The following BCL11A variants were observed in gnomAD, a reference collection of about 807,000 sequenced individuals.
BCL11A encodes the protein B cell CLL/lymphoma 11A.
A neutral mutation model predicts 55.9 loss-of-function variants in BCL11A; 2 were observed. The ratio of observed to expected loss-of-function variants is 0.04; its 90% CI spans 0.01 to 0.11. The LOEUF (loss-of-function observed/expected upper bound fraction) is 0.11, where lower values mean the gene tolerates loss of function less well. BCL11A is among the 10% of genes least tolerant of loss of function. The pLI, the probability that BCL11A is intolerant of heterozygous loss-of-function variation, is 1.00. For missense variants in BCL11A, 817 were observed against 1,137.1 expected (o/e 0.72, Z 4.05); for synonymous variants, 465 against 473.4 (o/e 0.98, Z 0.23).
chr2:60,540,017 T>C (rs1041262125), intron 2 of BCL11A, among the ~76,000 whole-genome samples: 1 of 152,186 alleles, frequency 6.6e-6, no homozygotes, highest in Non-Finnish European at 1.5e-5. Flanking sequence ...TCATTATCCA[T>C]TAAATTATAT....
chr2:60,540,060 T>C (rs1409970402), intron 2 of BCL11A, among the ~76,000 whole-genome samples: 1 of 152,218 alleles, frequency 6.6e-6, no homozygotes, highest in East Asian at 1.9e-4. Context: ...TTCATTAATG[T>C]CATCCAAATT....
intron 1 of BCL11A, among the ~76,000 whole-genome samples, chr2:60,551,239 C>A (rs1670401585): frequency 6.6e-6 from 1 of 152,264 alleles, no homozygotes; most frequent in South Asian, 2.1e-4. Flanking sequence ...GCCCACCGCC[C>A]GCCTTTCCAG....
At chr2:60,466,568 A>G (rs994018774) in intron 3 of BCL11A, among the ~76,000 whole-genome samples, 1 of 152,136 alleles carries the variant, frequency 6.6e-6, no homozygotes, top group Admixed American at 6.5e-5. Context: ...AATTCACACA[A>G]TAACTCTTTG....
chr2:60,534,506 T>C (rs1463494421), intron 2 of BCL11A: 2 of 152,216 alleles, frequency 1.3e-5, no homozygotes, highest in African/African-American at 4.8e-5. Context: ...CCTGCAATGT[T>C]CGTGGGGAAC....
intron 2 of BCL11A, among the ~76,000 whole-genome samples, chr2:60,529,782 T>C: frequency 6.6e-6 from 1 of 152,232 alleles, no homozygotes; most frequent in Non-Finnish European, 1.5e-5. Flanking sequence ...CAATGGTGCC[T>C]TTTCAAGTCT....
At position 60,553,511 on chromosome 2, in the gene BCL11A, A is replaced by AAAAAAGG. The variant is rs1265148111; in HGVS notation, c.-242_-241insCCTTTTT. ...AAAAAAAAAAAAAAAAAAAAAAAAA[A>AAAAAAGG]GAGGGAGAGAGAGAGAAGAGAGATA... is the stretch of plus-strand genomic sequence containing the variant. On this transcript the variant is annotated 5_prime_UTR_variant, in exon 1 of 4. Transcript: ENST00000642384. 3 of 220,812 alleles carry AAAAAAGG rather than the reference A, an allele frequency of 1.4e-5. No individual in the cohort carries two copies. In the African/African-American group the frequency reaches 5.2e-4, roughly 38 times the overall value. 13.7% of individuals were successfully genotyped at this position (220,812 alleles called of 1,614,324 possible). A position where few individuals can be genotyped will look rare whatever the true frequency, so the allele number is the denominator to read the frequency against.
chr2:60,546,087 A>G lies in BCL11A; in HGVS notation c.269T>C (p.Ile90Thr). The change falls in exon 2 of 4, where the codon ATC (isoleucine) becomes ACC (threonine). Residue 90 changes from isoleucine (I) to threonine (T), a missense_variant. Ile to Thr is a moderately conservative substitution (Grantham distance 89, BLOSUM62 -1). This residue lies in a region of BCL11A where 363 missense variants were observed against 486.6 expected (regional missense o/e 0.75). Transcript: ENST00000642384. The surrounding 1 kb of genome is among the most constrained non-coding windows in gnomAD (Gnocchi z 4.1). Reference protein sequence around the residue: ...AVDKPPSPSPIEMKKASNPVE... With the variant: ...AVDKPPSPSPTEMKKASNPVE... Reference sequence around the variant, plus strand: ...GGGATTGGATGCTTTTTTCATCTCGATTGGTGAAGGGGAAGGTGGCTTATC... The same window carrying G: ...GGGATTGGATGCTTTTTTCATCTCGGTTGGTGAAGGGGAAGGTGGCTTATC... The G allele has an allele frequency of 6.2e-7, 1 of 1,614,102 alleles. No individual in the cohort carries two copies. Among genetic ancestry groups the G allele is most frequent in the Non-Finnish European group, 8.5e-7 (1 of 1,180,034 alleles).
At position 60,473,297 on chromosome 2, in the gene BCL11A, A is replaced by C. The variant is rs376680361; in HGVS notation, c.386-4464T>G. On this transcript the variant is annotated intron_variant, in intron 2 of 3. Coordinates refer to ENST00000642384, the MANE Select transcript of BCL11A (RefSeq NM_022893.4). The stretch of plus-strand genomic sequence containing the variant: ...AAAGCAGTAGAGCTGTCCCACGTGG[A>C]ATGGGCTATCTCGTGACACTGTGAC... Among the ~76,000 whole-genome samples, 17 of 150,308 alleles carry C rather than the reference A, an allele frequency of 1.1e-4. No individual in the cohort carries two copies. The East Asian group carries it at 2.7e-3, about 24-fold the overall frequency.
chr2:60,549,744 A>T (rs991244983), intron 1 of BCL11A: 1 of 152,288 alleles, frequency 6.6e-6, no homozygotes, highest in Non-Finnish European at 1.5e-5. Flanking sequence ...GTGAAAAAGG[A>T]AGTGAGGTTT....
chr2:60,496,510 A>C (rs1185415873), intron 2 of BCL11A: 1 of 152,292 alleles, frequency 6.6e-6, no homozygotes, highest in Non-Finnish European at 1.5e-5. Context: ...CTGAAGCAGG[A>C]AAGAGGGAAG....
In BCL11A at chr2:60,545,025, G is replaced by A. The variant is rs1224499982; in HGVS notation, c.385+946C>T. The A allele has an allele frequency of 2.0e-5, 3 of 152,328 alleles. No homozygotes were observed. In the East Asian group the frequency reaches 5.8e-4, roughly 29 times the overall value. The allele number at this position is 152,328 out of a possible 1,614,324, so 9.4% of individuals were successfully genotyped here. On this transcript the variant is annotated intron_variant, in intron 2 of 3. Transcript: ENST00000642384. Reference sequence around the variant, plus strand: ...AAGGAGGGAGGGCTGTTGAATACGTGTGTGTATTTTTCCAAGAAAATTTTT... The same window carrying A: ...AAGGAGGGAGGGCTGTTGAATACGTATGTGTATTTTTCCAAGAAAATTTTT...
At chr2:60,482,451 C>G (rs1317084644) in intron 2 of BCL11A, among the ~76,000 whole-genome samples, 1 of 152,150 alleles carries the variant, frequency 6.6e-6, no homozygotes, top group Non-Finnish European at 1.5e-5. Flanking sequence ...ACCAGGCATA[C>G]AGAGTGGGAA....
chr2:60,475,358 A>G (rs1194482728), intron 2 of BCL11A, among the ~76,000 whole-genome samples: 3 of 152,088 alleles, frequency 2.0e-5, no homozygotes, highest in South Asian at 2.1e-4. Flanking sequence ...CCCCACCTCA[A>G]TTGTTTCTTC....
At chr2:60,456,353 AAC>A (rs1257163791), downstream of BCL11A, among the ~76,000 whole-genome samples, 3 of 152,250 alleles carry the variant, frequency 2.0e-5, no homozygotes, top group East Asian at 5.8e-4. Context: ...TAAAAGTGAC[AAC>A]ACAGATTTCT....
In BCL11A at chr2:60,459,198, C is replaced by A; in HGVS notation, c.*1206G>T. The A allele has an allele frequency of 9.8e-7, 1 of 1,022,104 alleles. No individual in the cohort carries two copies. Among genetic ancestry groups the A allele is most frequent in the Non-Finnish European group, 1.2e-6 (1 of 851,366 alleles). 63.3% of individuals were successfully genotyped at this position (1,022,104 alleles called of 1,614,324 possible). A position where few individuals can be genotyped will look rare whatever the true frequency, so the allele number is the denominator to read the frequency against. Reference sequence around the variant, plus strand: ...AGCCTCTTCCTTTCAATATGGTATACAAGGTCTTAAAGTTTATCATTTGAT... The same window carrying A: ...AGCCTCTTCCTTTCAATATGGTATAAAAGGTCTTAAAGTTTATCATTTGAT... On this transcript the variant is annotated 3_prime_UTR_variant, in exon 4 of 4. Coordinates refer to ENST00000642384, the MANE Select transcript of BCL11A (RefSeq NM_022893.4).
Position 60,481,389 on chromosome 2 carries a change from G to A in BCL11A, c.386-12556C>T, listed in dbSNP as rs1042784164. Among the ~76,000 whole-genome samples the A allele has an allele frequency of 5.3e-5, 8 of 152,126 alleles. No individual in the cohort carries two copies. In the East Asian group the frequency reaches 1.5e-3, roughly 29 times the overall value. ...CCAGGGCCTTCTCTCTGTCTCCCAC[G>A]ACCTACACCAGGCCCTTCGCACCTC... is the stretch of plus-strand genomic sequence containing the variant. On this transcript the variant is annotated intron_variant, in intron 2 of 3. Coordinates refer to ENST00000642384, the MANE Select transcript of BCL11A (RefSeq NM_022893.4).
Position 60,546,977 on chromosome 2 carries a change from C to A in BCL11A, c.56-677G>T, listed in dbSNP as rs1670185680. On this transcript the variant is annotated intron_variant, in intron 1 of 3. Transcript: ENST00000642384. This position sits in a 1 kb window ranked among gnomAD's most constrained non-coding sequence, Gnocchi z 4.1. ...GCAGCATAATTCACACTGCCAAAAACCTTTCTGCTCTCACTCTCAGCAGTG... is the reference window on the plus strand; with the variant it reads ...GCAGCATAATTCACACTGCCAAAAAACTTTCTGCTCTCACTCTCAGCAGTG... Among the ~76,000 whole-genome samples, 1 of 152,214 alleles carries A rather than the reference C, an allele frequency of 6.6e-6. No individual in the cohort carries two copies. The highest frequency in any genetic ancestry group is 2.4e-5 in the African/African-American group (1 of 41,466).
intron 3 of BCL11A, among the ~76,000 whole-genome samples, chr2:60,463,747 G>A (rs1351999165): frequency 2.6e-5 from 4 of 151,866 alleles, no homozygotes; most frequent in Non-Finnish European, 5.9e-5. Flanking sequence ...AAAAAGGGCA[G>A]AAGTAATGGT....
intron 2 of BCL11A, among the ~76,000 whole-genome samples, chr2:60,529,913 C>T (rs1216573399): frequency 6.6e-6 from 1 of 152,216 alleles, no homozygotes; most frequent in Non-Finnish European, 1.5e-5. Flanking sequence ...CCAGCAGCTC[C>T]TCTGGTGGGA....
Sources: allele counts gnomAD v4.1 joint callset (sites outside exome capture counted in the v4.1 genomes callset), GRCh38; gene constraint gnomAD v4.1.1; regional missense constraint gnomAD v4.1.1; non-coding constraint Gnocchi (gnomAD v3.1); transcripts MANE v1.5; gene names NCBI Gene and HGNC (gene_info 2026-07-23, HGNC 2026-07-21).